Variants in PARD3 observed in about 807,000 individuals in gnomAD.
The protein encoded by PARD3 is partitioning defective 3 homolog.
In PARD3, 75 loss-of-function variants were observed where a neutral mutation model predicts 155.4. The observed-to-expected ratio is 0.48, with a 90% CI of 0.40 to 0.58. The LOEUF (loss-of-function observed/expected upper bound fraction) is 0.58, where lower values mean the gene tolerates loss of function less well. PARD3 is among the 20% of genes least tolerant of loss of function. The pLI, the probability that PARD3 is intolerant of heterozygous loss-of-function variation, is 0.00. For synonymous variants in PARD3, 576 were observed against 610.5 expected (o/e 0.94, Z 0.83); for missense variants, 1,642 against 1,721.7 (o/e 0.95, Z 0.82).
chr10:34,390,197 G>A (rs1842753262), intron 7 of PARD3, among the ~76,000 whole-genome samples: 1 of 152,244 alleles, frequency 6.6e-6, no homozygotes, highest in African/African-American at 2.4e-5. Context: ...CAAATTGACT[G>A]TAATTCTTCA....
intron 5 of PARD3, among the ~76,000 whole-genome samples, chr10:34,430,562 T>C (rs1264220048): frequency 6.6e-6 from 1 of 152,202 alleles, no homozygotes; most frequent in Admixed American, 6.5e-5. Context: ...ACCATATTAT[T>C]TTACATTATC....
chr10:34,300,456 AC>A (rs1957094481), intron 20 of PARD3, among the ~76,000 whole-genome samples: 1 of 152,090 alleles, frequency 6.6e-6, no homozygotes, highest in South Asian at 2.1e-4. Flanking sequence ...GGAGTTCAAG[AC>A]CACCCTGGAT....
intron 7 of PARD3, among the ~76,000 whole-genome samples, chr10:34,391,017 G>T (rs928976169): frequency 6.6e-6 from 1 of 152,058 alleles, no homozygotes; most frequent in Non-Finnish European, 1.5e-5. Context: ...TGAGTGGCAG[G>T]GCTCAAGTCA....
At chr10:34,584,126 T>G (rs2087769995) in intron 2 of PARD3, among the ~76,000 whole-genome samples, 1 of 152,218 alleles carries the variant, frequency 6.6e-6, no homozygotes, top group Non-Finnish European at 1.5e-5. Flanking sequence ...CTATTATTTC[T>G]TCCTAGCCTA....
At chr10:34,140,689 C>T (rs867255556) in intron 22 of PARD3, among the ~76,000 whole-genome samples, 17 of 152,126 alleles carry the variant, frequency 1.1e-4, no homozygotes, top group Non-Finnish European at 1.9e-4. Context: ...AGCTCCTCTG[C>T]GCAAGCTTCA....
intron 2 of PARD3, among the ~76,000 whole-genome samples, chr10:34,668,247 C>T (rs533880938): frequency 6.6e-6 from 1 of 152,302 alleles, no homozygotes; most frequent in East Asian, 1.9e-4. Flanking sequence ...CAAAAAAGCT[C>T]AGTAAATTTC....
At chr10:34,324,058 C>T (rs975028333) in intron 19 of PARD3, among the ~76,000 whole-genome samples, 4 of 152,194 alleles carry the variant, frequency 2.6e-5, no homozygotes, top group African/African-American at 9.7e-5. Context: ...ACGTACACAA[C>T]GTCTGTTTGA....
intron 2 of PARD3, among the ~76,000 whole-genome samples, chr10:34,663,264 G>T (rs1275828153): frequency 6.6e-6 from 1 of 152,122 alleles, no homozygotes; most frequent in Admixed American, 6.5e-5. Context: ...AGGAGTTCAA[G>T]ACCAGCCCGG....
chr10:34,438,973 A>G (rs1039195484), intron 5 of PARD3, among the ~76,000 whole-genome samples: 8 of 152,106 alleles, frequency 5.3e-5, no homozygotes, highest in African/African-American at 1.9e-4. Context: ...GGGTTGGTTG[A>G]GTCTATCTGC....
At chr10:34,423,287 GA>G (rs2075413632) in intron 5 of PARD3, among the ~76,000 whole-genome samples, 1 of 152,140 alleles carries the variant, frequency 6.6e-6, no homozygotes, top group Non-Finnish European at 1.5e-5. Context: ...CATCAAAGTA[GA>G]GAGTGGAATT....
intron 21 of PARD3, among the ~76,000 whole-genome samples, chr10:34,275,136 A>G (rs1955814121): frequency 6.6e-6 from 1 of 152,178 alleles, no homozygotes; most frequent in South Asian, 2.1e-4. Context: ...TGAGCCTAAT[A>G]AACGTTAAAG....
chr10:34,662,824 A>ATAGT (rs2093355997), intron 2 of PARD3, among the ~76,000 whole-genome samples: 1 of 151,662 alleles, frequency 6.6e-6, no homozygotes, highest in African/African-American at 2.4e-5. Context: ...GTGAGGTGAG[A>ATAGT]TAGTGCCACT....
Position 34,516,137 on chromosome 10 carries a change from G to C in PARD3, c.403+842C>G, listed in dbSNP as rs542844490. 3.2e-3 allele frequency among the ~76,000 whole-genome samples: 480 copies of C among 152,002 alleles called. 5 individuals carry two copies. The highest frequency in any genetic ancestry group is 0.011 in the African/African-American group (456 of 41,472). ...CCGCCACCACGCCTGGCTAATTTTT[G>C]TATTTTTAGTAGAGATGGGGTTTCA... On this transcript the variant is annotated intron_variant, in intron 3 of 24. Coordinates refer to ENST00000374788, the MANE Select transcript of PARD3 (RefSeq NM_001184785.2).
At chr10:34,196,299 G>A (rs1419926398) in intron 22 of PARD3, among the ~76,000 whole-genome samples, 6 of 152,042 alleles carry the variant, frequency 3.9e-5, no homozygotes, top group East Asian at 3.9e-4. Flanking sequence ...TTTAAGCTCC[G>A]CTTGTTAATA....
intron 14 of PARD3, among the ~76,000 whole-genome samples, chr10:34,358,570 G>A (rs1040591313): frequency 2.6e-5 from 4 of 152,142 alleles, no homozygotes; most frequent in African/African-American, 9.7e-5. Context: ...GCGCGTGCCT[G>A]TAATCCCAGG....
intron 1 of PARD3, among the ~76,000 whole-genome samples, chr10:34,715,097 A>G (rs554698775): frequency 1.2e-4 from 18 of 145,868 alleles, no homozygotes; most frequent in African/African-American, 4.6e-4. Flanking sequence ...TTTTTTTAAG[A>G]GACAAGGTCT....
chr10:34,234,660 C>T (rs1003385392), intron 22 of PARD3, among the ~76,000 whole-genome samples: 2 of 152,144 alleles, frequency 1.3e-5, no homozygotes, highest in African/African-American at 4.8e-5. Flanking sequence ...TAATGTATTA[C>T]AAAATATTTA....
At chr10:34,395,407 A>T (rs1432110262) in intron 7 of PARD3, among the ~76,000 whole-genome samples, 1 of 152,214 alleles carries the variant, frequency 6.6e-6, no homozygotes, top group Non-Finnish European at 1.5e-5. Context: ...AGGTAATGAA[A>T]CGTTTTAGGT....
At chr10:34,605,536 C>CATATATAT (rs1564404959) in intron 2 of PARD3, among the ~76,000 whole-genome samples, 1 of 13,966 alleles carries the variant, frequency 7.2e-5, no homozygotes, top group Admixed American at 8.2e-4. Context: ...ATATATATCT[C>CATATATAT]CTATATATAT....
Sources: gnomAD v4.1 joint callset for allele counts (sites outside exome capture counted in the v4.1 genomes callset) on GRCh38, gnomAD v4.1.1 for gene constraint, MANE v1.5 for transcripts, NCBI Gene and HGNC (gene_info 2026-07-23, HGNC 2026-07-21) for gene names.